Variants in GANAB observed in about 807,000 individuals in gnomAD.
GANAB encodes glucosidase II alpha subunit.
GANAB carries 35 observed loss-of-function variants against 129.9 expected under a neutral mutation model. The ratio of observed to expected loss-of-function variants is 0.27; its 90% CI spans 0.21 to 0.36. GANAB has a LOEUF of 0.36. Ranked by LOEUF, GANAB falls within the 10% of genes least tolerant of loss-of-function variation. GANAB has a pLI of 1.00. For missense variants in GANAB, 939 were observed against 1,221.0 expected (o/e 0.77, Z 3.44); for synonymous variants, 482 against 451.8 (o/e 1.07, Z -0.85).
intron 1 of GANAB, among the ~76,000 whole-genome samples, chr11:62,644,604 CACAAG>C (rs1944398345): frequency 6.6e-6 from 1 of 152,032 alleles, no homozygotes; most frequent in Non-Finnish European, 1.5e-5. Context: ...TGGGCCACAG[CACAAG>C]ACTCTGTCTC....
At chr11:62,630,857 G>A in intron 10 of GANAB, 21 bp from the exon 11 acceptor site, 2 of 1,588,190 alleles carry the variant, frequency 1.3e-6, no homozygotes, top group South Asian at 1.1e-5. Context: ...ATGAGGGATG[G>A]GGGTCACAAC....
rs149726248 is a variant in GANAB at position 62,625,819 on chromosome 11, C to T, written c.2831G>A (p.Arg944Gln). 6.9e-6 allele frequency: 11 copies of T among 1,585,696 alleles called. No homozygotes were observed. Among genetic ancestry groups the T allele is most frequent in the African/African-American group, 4.0e-5 (3 of 74,332 alleles). The change falls in exon 24 of 24, where the codon CGA becomes CAA. Residue 944 changes from arginine to glutamine, a missense_variant. Around this residue, in one of 5 missense-constraint regions of GANAB, gnomAD observed 230 missense variants for 259.9 expected, o/e 0.89. Transcript: ENST00000356638. ...TAACCCAGAACATCCCTTGGGTTAT[C>T]GCAGGTGAATACTCCAATCAGATGC... ...NVASDWSIHL[R>Q]
In GANAB at chr11:62,643,764, T is replaced by C. The variant is rs1476220574; in HGVS notation, c.38+2798A>G. ...CTGGGAGTCAGAGGTTGCAGTGAGC[T>C]GAGATCGCACCACTGCACTCTAGCC... On this transcript the variant is annotated intron_variant, in intron 1 of 23. Coordinates refer to ENST00000356638, the MANE Select transcript of GANAB (RefSeq NM_198334.3). 5.9e-5 allele frequency among the ~76,000 whole-genome samples: 9 copies of C among 152,210 alleles called. No individual in the cohort carries two copies. In the East Asian group the frequency reaches 1.7e-3, roughly 29 times the overall value.
chr11:62,626,720 C>G lies in GANAB; in HGVS notation c.2398-36G>C, dbSNP rs183617368. ...AGCAATGCCAGGATGAAGTTGCCCCCTTGTCCAACCTTGGGCCCCACAGCA... is the reference window on the plus strand; with the variant it reads ...AGCAATGCCAGGATGAAGTTGCCCCGTTGTCCAACCTTGGGCCCCACAGCA... On this transcript the variant is annotated intron_variant, in intron 20 of 23. Coordinates refer to ENST00000356638, the MANE Select transcript of GANAB (RefSeq NM_198334.3). The G allele has an allele frequency of 2.5e-4, 351 of 1,427,838 alleles. 4 individuals carry two copies. The African/African-American group carries it at 4.5e-3, about 18-fold the overall frequency. The allele number at this position is 1,427,838 out of a possible 1,614,324, so 88.4% of individuals were successfully genotyped here.
At position 62,629,955 on chromosome 11, in the gene GANAB, G is replaced by T. The variant is rs752910014; in HGVS notation, c.1596C>A (p.Gly532=). ...TCCAGACAAAGAGGTTGGGAGCTGA[G>T]CCCTGGGAACGTGGGCAGAAAATGG... ...ANMFSYDNYE[G]SAPNLFVWND... Residue 532 remains glycine, a splice_region_variant and synonymous_variant, in exon 14 of 24, where the codon GGC becomes GGA. Coordinates refer to ENST00000356638, the MANE Select transcript of GANAB (RefSeq NM_198334.3). 6.2e-7 allele frequency: 1 copy of T among 1,614,058 alleles called. No homozygotes were observed. The highest frequency in any genetic ancestry group is 8.5e-7 in the Non-Finnish European group (1 of 1,179,908).
In GANAB at chr11:62,625,577, G is replaced by A; in HGVS notation, c.*238C>T. On this transcript the variant is annotated 3_prime_UTR_variant, in exon 24 of 24. Coordinates refer to ENST00000356638, the MANE Select transcript of GANAB (RefSeq NM_198334.3). Reference sequence around the variant, plus strand: ...GAATGTGCTCCAGTTAGAGCAACAGGATGTTGGGGGAATGAAGGGAAAGAG... The same window carrying A: ...GAATGTGCTCCAGTTAGAGCAACAGAATGTTGGGGGAATGAAGGGAAAGAG... 1.8e-6 allele frequency: 1 copy of A among 550,920 alleles called. No individual in the cohort carries two copies. Among genetic ancestry groups the A allele is most frequent in the Admixed American group, 3.1e-5 (1 of 32,470 alleles). 34.1% of individuals were successfully genotyped at this position (550,920 alleles called of 1,614,324 possible).
chr11:62,637,587 CTT>C (rs547949928), intron 4 of GANAB, among the ~76,000 whole-genome samples: 137 of 152,312 alleles, frequency 9.0e-4, no homozygotes, highest in Middle Eastern at 3.4e-3. Flanking sequence ...CGTAGCAACA[CTT>C]TGGCTAGCAA....
chr11:62,644,909 TA>T, intron 1 of GANAB, among the ~76,000 whole-genome samples: 1 of 152,136 alleles, frequency 6.6e-6, no homozygotes, highest in East Asian at 1.9e-4. Flanking sequence ...ATACACATTG[TA>T]TCTAGTTATC....
chr11:62,626,983 G>T, intron 19 of GANAB, 49 bp from the exon 20 acceptor site: 1 of 1,566,894 alleles, frequency 6.4e-7, no homozygotes. Context: ...GTGCACAGGG[G>T]TCCCGTCCTG....
intron 1 of GANAB, among the ~76,000 whole-genome samples, chr11:62,644,859 T>G (rs941222349): frequency 6.6e-6 from 1 of 151,896 alleles, no homozygotes; most frequent in Non-Finnish European, 1.5e-5. Context: ...TAAATAAAAT[T>G]TGACAACCTA....
intron 4 of GANAB, among the ~76,000 whole-genome samples, chr11:62,637,546 A>C (rs1943998895): frequency 6.6e-6 from 1 of 152,232 alleles, no homozygotes; most frequent in South Asian, 2.1e-4. Flanking sequence ...ACTCCCAAGC[A>C]AGGATAACAG....
intron 4 of GANAB, among the ~76,000 whole-genome samples, chr11:62,638,584 AAGGAAGGAAGGAAGGAAGGAAGG>A (rs1944057637): frequency 0.015 from 1 of 68 alleles, no homozygotes; most frequent in South Asian, 0.5. Context: ...GGAAAGGAGG[AAGGAAGGAAGGAAGGAAGGAAGG>A]AAGGAAGGAA....
chr11:62,632,318 G>T (rs983584698), intron 9 of GANAB, among the ~76,000 whole-genome samples: 2 of 152,128 alleles, frequency 1.3e-5, no homozygotes, highest in Non-Finnish European at 2.9e-5. Flanking sequence ...CCAGCACCCA[G>T]AAGAGTACCT....
rs554383762 is a variant in GANAB at position 62,630,638 on chromosome 11, C to T, written c.1349G>A (p.Arg450His). Residue 450 changes from arginine (R) to histidine (H), a missense_variant, in exon 11 of 24, where the codon CGC (arginine) becomes CAC (histidine). Transcript: ENST00000356638. ...TWDPSRFPQP[R>H]TMLERLASKR... ...AGAAGCCAAGCGCTCAAGCATGGTG[C>T]GGGGCTGAGGGAAGCGACTGGGGTC... 32 of 1,613,518 alleles carry T rather than the reference C, an allele frequency of 2.0e-5. No individual in the cohort carries two copies. Among genetic ancestry groups the T allele is most frequent in the Non-Finnish European group, 2.5e-5 (29 of 1,179,626 alleles).
chr11:62,631,383 C>G (rs545953315), intron 9 of GANAB, among the ~76,000 whole-genome samples, 200 bp from the exon 10 acceptor site: 2 of 151,964 alleles, frequency 1.3e-5, no homozygotes, highest in Admixed American at 1.3e-4. Context: ...ACCCCTACCC[C>G]ACCAGTTTGG....
chr11:62,630,642 G>A lies in GANAB; in HGVS notation c.1345C>T (p.Pro449Ser). The A allele has an allele frequency of 1.2e-6, 2 of 1,614,194 alleles. No homozygotes were observed. The highest frequency in any genetic ancestry group is 1.7e-6 in the Non-Finnish European group (2 of 1,180,014). Residue 449 changes from proline to serine, a missense_variant, in exon 11 of 24, where the codon CCC becomes TCC. This residue lies in a region of GANAB where 220 missense variants were observed against 295.9 expected (regional missense o/e 0.74). Coordinates refer to ENST00000356638, the MANE Select transcript of GANAB (RefSeq NM_198334.3). The part of the protein sequence containing the change: ...FTWDPSRFPQ[P>S]RTMLERLASK... The stretch of plus-strand genomic sequence containing the variant: ...GCCAAGCGCTCAAGCATGGTGCGGG[G>A]CTGAGGGAAGCGACTGGGGTCCCAG...
intron 20 of GANAB, 75 bp downstream of exon 20, chr11:62,626,785 C>A: frequency 7.5e-7 from 1 of 1,339,844 alleles, no homozygotes; most frequent in Non-Finnish European, 1.1e-6. Flanking sequence ...GGTACTGGAC[C>A]CTAAGGCACA....
Position 62,627,045 on chromosome 11 carries a change from C to T in GANAB, c.2322+3G>A. 6.2e-7 allele frequency: 1 copy of T among 1,612,816 alleles called. No homozygotes were observed. Among genetic ancestry groups the T allele is most frequent in the Non-Finnish European group, 8.5e-7 (1 of 1,178,766 alleles). On this transcript the variant is annotated splice_donor_region_variant and intron_variant, in intron 19 of 23. Transcript: ENST00000356638. ...TTCCCCACCATGCCCTTCCTTAACTCACCTCCCCTTGGCCAGGCAGATAGA... is the reference window on the plus strand; with the variant it reads ...TTCCCCACCATGCCCTTCCTTAACTTACCTCCCCTTGGCCAGGCAGATAGA...
At chr11:62,646,093 G>C (rs1944465824) in intron 1 of GANAB, among the ~76,000 whole-genome samples, 3 of 152,186 alleles carry the variant, frequency 2.0e-5, no homozygotes, top group Non-Finnish European at 2.9e-5. Flanking sequence ...GGAGGATTCG[G>C]AGCTCTACAG....
Sources: allele counts gnomAD v4.1 joint callset (sites outside exome capture counted in the v4.1 genomes callset), GRCh38; gene constraint gnomAD v4.1.1; regional missense constraint gnomAD v4.1.1; transcripts MANE v1.5; gene names NCBI Gene and HGNC (gene_info 2026-07-23, HGNC 2026-07-21).